ERICH1: variants seen among roughly 807,000 people sequenced by gnomAD.
ERICH1 encodes glutamate rich 1, also known as glutamate-rich protein 1.
ERICH1 carries 56 observed loss-of-function variants against 39.6 expected under a neutral mutation model. That is an observed-to-expected ratio of 1.41 (90% CI 1.14 to 1.77). ERICH1 has a LOEUF of 1.77. ERICH1 is among the 40% of genes most tolerant of loss of function. The pLI is 0.00. For missense variants in ERICH1, 826 were observed against 575.4 expected (o/e 1.44, Z -4.45); for synonymous variants, 313 against 223.6 (o/e 1.40, Z -3.57).
chr8:670,011 T>G (rs1246333078), intron 4 of ERICH1, among the ~76,000 whole-genome samples: 1 of 152,138 alleles, frequency 6.6e-6, no homozygotes, highest in Non-Finnish European at 1.5e-5. Context: ...TGGGCCTGTT[T>G]CAGGGACACA....
At chr8:704,978 G>C (rs751780577) in intron 2 of ERICH1, among the ~76,000 whole-genome samples, 3 of 152,088 alleles carry the variant, frequency 2.0e-5, no homozygotes, top group Non-Finnish European at 4.4e-5. Flanking sequence ...AGTTCAATAT[G>C]GGCTCTTCAG....
chr8:640,026 C>T (rs894526109), intron 3 of ERICH1, among the ~76,000 whole-genome samples: 2 of 152,206 alleles, frequency 1.3e-5, no homozygotes, highest in African/African-American at 2.4e-5. Context: ...CGTGACATGT[C>T]CCAAGCCCTG....
At chr8:651,561 T>G (rs1436988851) in intron 3 of ERICH1, among the ~76,000 whole-genome samples, 2 of 150,232 alleles carry the variant, frequency 1.3e-5, no homozygotes, top group Non-Finnish European at 3.0e-5. Context: ...GTCCACGAAG[T>G]GGGAAGGGGG....
chr8:641,841 G>C (rs1799024239), intron 3 of ERICH1, among the ~76,000 whole-genome samples: 1 of 152,186 alleles, frequency 6.6e-6, no homozygotes, highest in Admixed American at 6.5e-5. Flanking sequence ...CCCCGGCTCT[G>C]TGCTGGCCAA....
chr8:656,748 GC>G (rs1330345423), intron 3 of ERICH1: 14 of 985,238 alleles, frequency 1.4e-5, no homozygotes, highest in Non-Finnish European at 1.7e-5. Flanking sequence ...TCTACAAGGG[GC>G]CTCAGCTAGT....
downstream of ERICH1, among the ~76,000 whole-genome samples, chr8:663,306 T>C (rs1242232540): frequency 6.6e-6 from 1 of 152,148 alleles, no homozygotes; most frequent in East Asian, 1.9e-4. Context: ...TCTGGGCTGA[T>C]GTTCTCCAAA....
chr8:694,425 AATGTC>A (rs1457165865), intron 2 of ERICH1, among the ~76,000 whole-genome samples: 1 of 152,232 alleles, frequency 6.6e-6, no homozygotes, highest in African/African-American at 2.4e-5. Context: ...AGAACTTAGA[AATGTC>A]ATTGTTCACT....
At chr8:702,168 T>TAAGACAAGCTCCGCAGA (rs1476081443) in intron 2 of ERICH1, among the ~76,000 whole-genome samples, 1 of 149,482 alleles carries the variant, frequency 6.7e-6, no homozygotes, top group Admixed American at 6.6e-5. Flanking sequence ...CGGAAATTGG[T>TAAGACAAGCTCCGCAGA]AAGACAAGCT....
intron 3 of ERICH1, among the ~76,000 whole-genome samples, chr8:636,106 G>A (rs1798414378): frequency 6.6e-6 from 1 of 152,202 alleles, no homozygotes; most frequent in Non-Finnish European, 1.5e-5. Context: ...ATTCTCTGTG[G>A]AAAACACTCA....
chr8:715,341 C>T (rs981396020), intron 2 of ERICH1, among the ~76,000 whole-genome samples: 3 of 152,248 alleles, frequency 2.0e-5, no homozygotes, highest in African/African-American at 4.8e-5. Context: ...CACAGGTGAG[C>T]GGAGTTGCAC....
At chr8:635,579 G>A (rs1404225208) in intron 3 of ERICH1, among the ~76,000 whole-genome samples, 1 of 152,202 alleles carries the variant, frequency 6.6e-6, no homozygotes, top group African/African-American at 2.4e-5. Context: ...GGACGTAGTG[G>A]CCAGCCGGCC....
chr8:720,287 C>T (rs1272399023), intron 1 of ERICH1, among the ~76,000 whole-genome samples: 1 of 152,148 alleles, frequency 6.6e-6, no homozygotes, highest in Admixed American at 6.5e-5. Context: ...ACCTGCCCCA[C>T]GCCAGCGTCA....
At chr8:642,297 C>T (rs1292260149) in intron 3 of ERICH1, among the ~76,000 whole-genome samples, 1 of 148,770 alleles carries the variant, frequency 6.7e-6, no homozygotes, top group Non-Finnish European at 1.5e-5. Flanking sequence ...AGGGGAACTG[C>T]TGCAAAGAAC....
At chr8:724,345 C>A (rs147514771) in intron 1 of ERICH1, among the ~76,000 whole-genome samples, 4 of 152,206 alleles carry the variant, frequency 2.6e-5, no homozygotes, top group African/African-American at 9.7e-5. Context: ...AAATATTCCA[C>A]GCAAACTTTG....
In ERICH1 at chr8:624,676, G is replaced by C. The variant is rs369262397; in HGVS notation, c.977-9392C>G. Among the ~76,000 whole-genome samples, 58 of 152,174 alleles carry C rather than the reference G, an allele frequency of 3.8e-4. 1 individual carries two copies. In the East Asian group the frequency reaches 6.2e-3, roughly 16 times the overall value. On this transcript the variant is annotated intron_variant, in intron 3 of 3. Transcript: ENST00000522706. ...TTGCATGGCTGGAGCAGGAGGAAGAGAGTAAAGGGGGAGGCGCTACACACT... is the reference window on the plus strand; with the variant it reads ...TTGCATGGCTGGAGCAGGAGGAAGACAGTAAAGGGGGAGGCGCTACACACT...
chr8:672,157 A>G (rs1313932428), intron 4 of ERICH1: 1 of 152,446 alleles, frequency 6.6e-6, no homozygotes, highest in African/African-American at 2.4e-5. Flanking sequence ...GGTGTTTCCC[A>G]TCCTGGCTTT....
intron 3 of ERICH1, among the ~76,000 whole-genome samples, chr8:624,710 T>A (rs11785056): frequency 0.12 from 17,817 of 151,526 alleles, 1,316 homozygotes; most frequent in East Asian, 0.28. Context: ...CTTTTTTTTT[T>A]ATATTTTTTA....
chr8:671,618 A>T (rs1443129062), intron 4 of ERICH1, among the ~76,000 whole-genome samples: 1 of 113,092 alleles, frequency 8.8e-6, no homozygotes. Context: ...TGCTCCGACC[A>T]CTGAGCGCAC....
chr8:709,240 A>T (rs746287078), intron 2 of ERICH1, among the ~76,000 whole-genome samples: 3 of 152,198 alleles, frequency 2.0e-5, no homozygotes, highest in Non-Finnish European at 2.9e-5. Flanking sequence ...CTTGTAATTG[A>T]AGGGTCTAAA....
Sources: allele counts gnomAD v4.1 joint callset (sites outside exome capture counted in the v4.1 genomes callset), GRCh38; gene constraint gnomAD v4.1.1; transcripts MANE v1.5; gene names NCBI Gene and HGNC (gene_info 2026-07-23, HGNC 2026-07-21).